MRPL1: variants seen among roughly 807,000 people sequenced by gnomAD.
MRPL1 encodes the protein large ribosomal subunit protein uL1m.
Under a neutral mutation model 38.0 loss-of-function variants are expected in MRPL1, and 28 were observed. The ratio of observed to expected loss-of-function variants is 0.74; its 90% CI spans 0.55 to 1.01. MRPL1 has a LOEUF of 1.01. MRPL1 is among the 50% of genes least tolerant of loss of function. The pLI is 0.00. For synonymous variants in MRPL1, 123 were observed against 126.7 expected (o/e 0.97, Z 0.20); for missense variants, 358 against 389.8 (o/e 0.92, Z 0.69).
At chr4:77,947,549 G>C (rs999247846) in intron 7 of MRPL1, among the ~76,000 whole-genome samples, 1 of 152,086 alleles carries the variant, frequency 6.6e-6, no homozygotes, top group African/African-American at 2.4e-5. Context: ...TCCTGCCTCC[G>C]TAAGACCACA....
At chr4:77,880,328 T>C (rs1735509819) in intron 2 of MRPL1, among the ~76,000 whole-genome samples, 1 of 152,148 alleles carries the variant, frequency 6.6e-6, no homozygotes, top group South Asian at 2.1e-4. Flanking sequence ...AAGCAATGGC[T>C]GGTTGCTTGA....
intron 1 of MRPL1, 59 bp downstream of exon 1, chr4:77,862,938 G>T: frequency 6.2e-7 from 1 of 1,603,316 alleles, no homozygotes; most frequent in South Asian, 1.1e-5. Context: ...TCTGGTTGCA[G>T]CAGAGTGCAA....
intron 6 of MRPL1, among the ~76,000 whole-genome samples, chr4:77,903,764 T>C (rs773375706): frequency 5.3e-5 from 8 of 152,138 alleles, no homozygotes; most frequent in Admixed American, 4.6e-4. Flanking sequence ...AACTGGTAAA[T>C]GTTGCTGAAA....
chr4:77,947,741 G>T (rs912619299), intron 7 of MRPL1, among the ~76,000 whole-genome samples: 7 of 152,110 alleles, frequency 4.6e-5, no homozygotes, highest in African/African-American at 1.2e-4. Flanking sequence ...CAGCTATCTT[G>T]TCATTAGCCA....
At chr4:77,889,607 C>G (rs1364639226) in intron 5 of MRPL1, among the ~76,000 whole-genome samples, 1 of 152,040 alleles carries the variant, frequency 6.6e-6, no homozygotes, top group Non-Finnish European at 1.5e-5. Flanking sequence ...CAAAAGCTAG[C>G]AGAAAGCAAG....
At chr4:77,880,383 A>G (rs1560460815) in intron 2 of MRPL1, among the ~76,000 whole-genome samples, 1 of 151,944 alleles carries the variant, frequency 6.6e-6, no homozygotes. Context: ...TGCAGTTGGG[A>G]AGGGGAAAAG....
intron 7 of MRPL1, among the ~76,000 whole-genome samples, chr4:77,941,142 G>C (rs929884299): frequency 6.6e-6 from 1 of 152,052 alleles, no homozygotes; most frequent in African/African-American, 2.4e-5. Flanking sequence ...GCACATGCCT[G>C]TAATCCCAGC....
At chr4:77,905,496 C>CAAA (rs374398968) in intron 6 of MRPL1, among the ~76,000 whole-genome samples, 823 of 63,228 alleles carry the variant, frequency 0.013, 75 homozygotes, top group Non-Finnish European at 0.017. Context: ...GACTCCGTCT[C>CAAA]AAAAAAAAAA....
chr4:77,945,505 C>CTT (rs11321603), intron 7 of MRPL1, among the ~76,000 whole-genome samples: 3 of 147,100 alleles, frequency 2.0e-5, no homozygotes, highest in African/African-American at 7.5e-5. Flanking sequence ...GTGTACTTTG[C>CTT]TTTTTTTTTT....
At chr4:77,873,666 G>C (rs902990312) in intron 2 of MRPL1, among the ~76,000 whole-genome samples, 1 of 152,138 alleles carries the variant, frequency 6.6e-6, no homozygotes, top group African/African-American at 2.4e-5. Context: ...CTGGCACTGT[G>C]CAAAATGATG....
At position 77,884,888 on chromosome 4, in the gene MRPL1, G is replaced by C. The variant is rs72869526; in HGVS notation, c.403-368G>C. The stretch of plus-strand genomic sequence containing the variant: ...ACATCAGATGGAAAGCATTGTACTA[G>C]TGCTGGGGAAGATGTTGATATGCAA... On this transcript the variant is annotated intron_variant, in intron 3 of 8. Coordinates refer to ENST00000315567, the MANE Select transcript of MRPL1 (RefSeq NM_020236.4). Among the ~76,000 whole-genome samples, 90 of 152,358 alleles carry C rather than the reference G, an allele frequency of 5.9e-4. 1 individual carries two copies. The highest frequency in any genetic ancestry group is 2.0e-3 in the African/African-American group (85 of 41,592).
intron 7 of MRPL1, among the ~76,000 whole-genome samples, chr4:77,939,146 T>C (rs1016427759): frequency 4.6e-5 from 7 of 152,214 alleles, no homozygotes; most frequent in Middle Eastern, 3.2e-3. Flanking sequence ...AGCTCCCTCT[T>C]ATGAGTGAGA....
intron 7 of MRPL1, among the ~76,000 whole-genome samples, chr4:77,946,746 T>C (rs914979179): frequency 2.6e-5 from 4 of 152,216 alleles, no homozygotes; most frequent in Admixed American, 2.0e-4. Flanking sequence ...TTGGACAGAC[T>C]AACCTCTGTA....
rs76061347 is a variant in MRPL1 at position 77,893,893 on chromosome 4, C to T, written c.559-246C>T. ...TGTGACTTGTAACACTTTTGCCTAA[C>T]ACAACCCAAAGGAAGAAACCATTAA... On this transcript the variant is annotated intron_variant, in intron 5 of 8. Transcript: ENST00000315567. Among the ~76,000 whole-genome samples, 816 of 152,138 alleles carry T rather than the reference C, an allele frequency of 5.4e-3. 7 individuals carry two copies. Among genetic ancestry groups the T allele is most frequent in the African/African-American group, 0.019 (768 of 41,480 alleles).
chr4:77,929,906 G>A (rs887612611), intron 7 of MRPL1, among the ~76,000 whole-genome samples: 1 of 152,120 alleles, frequency 6.6e-6, no homozygotes, highest in Non-Finnish European at 1.5e-5. Flanking sequence ...AACCTGGGAG[G>A]TTTCAGTTCC....
chr4:77,909,518 C>G, intron 7 of MRPL1, 146 bp downstream of exon 7: 1 of 559,196 alleles, frequency 1.8e-6, no homozygotes, highest in Non-Finnish European at 3.2e-6. Context: ...CGCATAGATA[C>G]TTTTTTTATT....
chr4:77,903,425 A>G (rs1312347229), intron 6 of MRPL1, among the ~76,000 whole-genome samples: 1 of 152,240 alleles, frequency 6.6e-6, no homozygotes, highest in Non-Finnish European at 1.5e-5. Context: ...ATCAGGAACA[A>G]GGCAAAGATC....
Position 77,894,124 on chromosome 4 carries a change from T to G in MRPL1, c.559-15T>G. Reference sequence around the variant, plus strand: ...TCATCTCATCTGAGGTCACCTTTTTTTTTTTAATTTTCAGATTTGGGATGA... The same window carrying G: ...TCATCTCATCTGAGGTCACCTTTTTGTTTTTAATTTTCAGATTTGGGATGA... On this transcript the variant is annotated splice_polypyrimidine_tract_variant and intron_variant, in intron 5 of 8. Transcript: ENST00000315567. The G allele has an allele frequency of 6.7e-7, 1 of 1,491,864 alleles. No homozygotes were observed. Among genetic ancestry groups the G allele is most frequent in the African/African-American group, 1.4e-5 (1 of 71,560 alleles). The allele number at this position is 1,491,864 out of a possible 1,614,324, so 92.4% of individuals were successfully genotyped here. A position where few individuals can be genotyped will look rare whatever the true frequency, so the allele number is the denominator to read the frequency against.
intron 5 of MRPL1, among the ~76,000 whole-genome samples, chr4:77,888,415 G>T (rs1484245270): frequency 1.3e-5 from 2 of 152,160 alleles, no homozygotes; most frequent in Non-Finnish European, 2.9e-5. Flanking sequence ...TGAGGCACAA[G>T]AATCTCTTGA....
Sources: gnomAD v4.1 joint callset for allele counts (sites outside exome capture counted in the v4.1 genomes callset) on GRCh38, gnomAD v4.1.1 for gene constraint, MANE v1.5 for transcripts, NCBI Gene and HGNC (gene_info 2026-07-23, HGNC 2026-07-21) for gene names.